Variants in DUS2 observed in about 807,000 individuals in gnomAD.
The protein encoded by DUS2 is dihydrouridine synthase 2, also known as tRNA-dihydrouridine(20) synthase [NAD(P)+]-like.
In DUS2, 52 loss-of-function variants were observed where a neutral mutation model predicts 71.3. The ratio of observed to expected loss-of-function variants is 0.73; its 90% confidence interval spans 0.58 to 0.92. The LOEUF (loss-of-function observed/expected upper bound fraction) is 0.92, where lower values mean the gene tolerates loss of function less well. Among genes scored for constraint, DUS2 ranks in the 40% least tolerant of loss-of-function variants. The pLI is 0.00. For missense variants in DUS2, 558 were observed against 622.6 expected (o/e 0.90, Z 1.10); for synonymous variants, 204 against 227.8 (o/e 0.90, Z 0.94).
rs78962916 is a variant in DUS2, at chr16:68,041,288, G to A, written c.126+3139G>A. Reference sequence around the variant, plus strand: ...CCAGTCTGTAAAAGGCAAGAGAGCCGTAGTCTTCCCACATCAGGGTCTGTC... The same window carrying A: ...CCAGTCTGTAAAAGGCAAGAGAGCCATAGTCTTCCCACATCAGGGTCTGTC... On this transcript the variant is annotated intron_variant, in intron 3 of 16. Coordinates refer to ENST00000565263, the MANE Select transcript of DUS2 (RefSeq NM_017803.5). 4.6e-3 allele frequency among the ~76,000 whole-genome samples: 703 copies of A among 152,228 alleles called. 7 individuals carry two copies. The highest frequency in any genetic ancestry group is 0.017 in the African/African-American group (688 of 41,530).
intron 8 of DUS2, among the ~76,000 whole-genome samples, chr16:68,062,588 G>A (rs1005293327): frequency 6.6e-6 from 1 of 151,518 alleles, no homozygotes; most frequent in Non-Finnish European, 1.5e-5. Flanking sequence ...GCGTGGTGGC[G>A]GGTGCCTGTG....
At chr16:68,062,748 T>C (rs1598314088) in intron 8 of DUS2, among the ~76,000 whole-genome samples, 3 of 145,038 alleles carry the variant, frequency 2.1e-5, no homozygotes, top group East Asian at 4.1e-4. Context: ...AAAGATCATA[T>C]AGTAAATAAG....
At chr16:68,054,483 G>A (rs933358043) in intron 5 of DUS2, 91 bp from the exon 6 acceptor site, 1 of 1,342,222 alleles carries the variant, frequency 7.5e-7, no homozygotes, top group African/African-American at 1.4e-5. Context: ...TGTGGGGTGT[G>A]TGTGTGTATG....
At chr16:68,056,952 T>C (rs1305513128) in intron 7 of DUS2, among the ~76,000 whole-genome samples, 1 of 142,098 alleles carries the variant, frequency 7.0e-6, no homozygotes, top group Non-Finnish European at 1.5e-5. Context: ...TTATATGTAA[T>C]CTATAATTAT....
intron 3 of DUS2, among the ~76,000 whole-genome samples, chr16:68,040,767 A>C (rs180832674): frequency 7.0e-6 from 1 of 142,964 alleles, no homozygotes; most frequent in African/African-American, 2.6e-5. Flanking sequence ...TGGTGGATCC[A>C]TGGTTGTTTT....
At chr16:68,052,349 A>T (rs1327975363) in intron 4 of DUS2, among the ~76,000 whole-genome samples, 1 of 152,210 alleles carries the variant, frequency 6.6e-6, no homozygotes, top group Non-Finnish European at 1.5e-5. Context: ...GTTTGACCTC[A>T]GCTGGGAACA....
Position 68,071,126 on chromosome 16 carries a change from T to C in DUS2, c.810+18T>C, listed in dbSNP as rs777876320. The C allele has an allele frequency of 1.5e-5, 24 of 1,612,470 alleles. No homozygotes were observed. In the African/African-American group the frequency reaches 3.2e-4, roughly 22 times the overall value. Reference sequence around the variant, plus strand: ...TCAGATACGTACGTCTCTGTACTTTTTCAAAACAAGCATTTCTCACTGTCT... The same window carrying C: ...TCAGATACGTACGTCTCTGTACTTTCTCAAAACAAGCATTTCTCACTGTCT... On this transcript the variant is annotated intron_variant, in intron 12 of 16. Transcript: ENST00000565263.
chr16:68,061,260 A>T, intron 8 of DUS2, 147 bp downstream of exon 8: 1 of 802,668 alleles, frequency 1.2e-6, no homozygotes, highest in Non-Finnish European at 2.0e-6. Flanking sequence ...AAAATTTTCC[A>T]GTGATTTTGA....
intron 13 of DUS2, among the ~76,000 whole-genome samples, 195 bp downstream of exon 13, chr16:68,074,350 A>G (rs976051580): frequency 1.3e-5 from 2 of 152,194 alleles, no homozygotes; most frequent in Non-Finnish European, 2.9e-5. Context: ...CCCTGGACGG[A>G]TCAGCAGAGC....
At chr16:68,038,891 A>T (rs2033577259) in intron 3 of DUS2, among the ~76,000 whole-genome samples, 1 of 150,808 alleles carries the variant, frequency 6.6e-6, no homozygotes, top group African/African-American at 2.4e-5. Context: ...TCTTTTTTTA[A>T]AAAAATTTAT....
chr16:68,033,357 A>T (rs183809700), intron 2 of DUS2, among the ~76,000 whole-genome samples: 1 of 152,210 alleles, frequency 6.6e-6, no homozygotes, highest in African/African-American at 2.4e-5. Flanking sequence ...AGTAATTGGG[A>T]GACTGGAGAT....
chr16:68,052,902 C>T (rs1346719235), intron 4 of DUS2, among the ~76,000 whole-genome samples: 2 of 151,840 alleles, frequency 1.3e-5, no homozygotes, highest in Non-Finnish European at 2.9e-5. Flanking sequence ...CTTGGCCTTC[C>T]AAAGTCCTAG....
intron 3 of DUS2, among the ~76,000 whole-genome samples, chr16:68,048,704 A>T (rs2033737282): frequency 6.6e-6 from 1 of 152,036 alleles, no homozygotes. Context: ...TGGGGTTGTG[A>T]CTTGCTGGGG....
intron 3 of DUS2, among the ~76,000 whole-genome samples, chr16:68,041,705 G>A (rs2151415621): frequency 6.6e-6 from 1 of 151,840 alleles, no homozygotes; most frequent in Middle Eastern, 3.4e-3. Flanking sequence ...CCAGCTACTT[G>A]GGAGGTTGAG....
At chr16:68,037,308 G>T (rs1292806867) in intron 2 of DUS2, among the ~76,000 whole-genome samples, 2 of 151,944 alleles carry the variant, frequency 1.3e-5, no homozygotes, top group Admixed American at 6.6e-5. Context: ...AACAGGCCAG[G>T]TGCAGTGGCT....
chr16:68,049,255 G>A lies in DUS2; in HGVS notation c.127-250G>A, dbSNP rs141574683. Among the ~76,000 whole-genome samples, 4 of 152,268 alleles carry A rather than the reference G, an allele frequency of 2.6e-5. 1 individual carries two copies. The East Asian group carries it at 7.7e-4, about 29-fold the overall frequency. ...ATGATTATTGTCTTTCTGGCTAAGTGGTTCATTCATTCTAGGCCCCAACCA... is the reference window on the plus strand; with the variant it reads ...ATGATTATTGTCTTTCTGGCTAAGTAGTTCATTCATTCTAGGCCCCAACCA... On this transcript the variant is annotated intron_variant, in intron 3 of 16. Transcript: ENST00000565263.
rs781101601 is a variant in DUS2 at position 68,071,079 on chromosome 16, G to GA, written c.782dup (p.Glu262GlyfsTer14). ...CCTCAAGGAGGGTCTGCGGCCCCTG[G>GA]AGGAGGTCATGCAGAAATACATCAG... On this transcript the variant is annotated frameshift_variant, in exon 12 of 17. Transcript: ENST00000565263. LOFTEE classifies it high-confidence loss of function. The GA allele has an allele frequency of 6.2e-7, 1 of 1,614,210 alleles. No individual in the cohort carries two copies. The highest frequency in any genetic ancestry group is 2.2e-5 in the East Asian group (1 of 44,884).
chr16:68,066,396 G>T lies in DUS2; in HGVS notation c.483+14G>T. 1.9e-6 allele frequency: 3 copies of T among 1,613,176 alleles called. No homozygotes were observed. Among genetic ancestry groups the T allele is most frequent in the Non-Finnish European group, 2.5e-6 (3 of 1,179,128 alleles). On this transcript the variant is annotated intron_variant, in intron 9 of 16. Transcript: ENST00000565263. ...ATCCTGCCATCGGTAAGGATGGTGT[G>T]TTACATATGAAGGTCCATTCTCTCT...
chr16:68,056,142 C>T (rs556635429), intron 6 of DUS2, among the ~76,000 whole-genome samples: 6 of 152,190 alleles, frequency 3.9e-5, no homozygotes, highest in Admixed American at 3.9e-4. Context: ...TGTGTGCACA[C>T]ATTATGTCTT....
Sources: gnomAD v4.1 joint callset for allele counts (sites outside exome capture counted in the v4.1 genomes callset) on GRCh38, gnomAD v4.1.1 for gene constraint, MANE v1.5 for transcripts, NCBI Gene and HGNC (gene_info 2026-07-23, HGNC 2026-07-21) for gene names.